The following BANK1 variants were observed in gnomAD, a reference collection of about 807,000 sequenced individuals.
The protein encoded by BANK1 is B cell scaffold protein with ankyrin repeats 1, also known as B-cell scaffold protein with ankyrin repeats.
BANK1 carries 95 observed loss-of-function variants against 94.5 expected under a neutral mutation model. The ratio of observed to expected loss-of-function variants is 1.00; its 90% CI spans 0.85 to 1.19. The LOEUF is 1.19. Ranked by LOEUF, BANK1 falls within the 50% of genes most tolerant of loss-of-function variation. The probability of loss-of-function intolerance (pLI) is 0.00; values close to 1 mark genes in which losing one functional copy is unlikely to be tolerated. For missense variants in BANK1, 987 were observed against 932.2 expected (o/e 1.06, Z -0.77); for synonymous variants, 334 against 308.4 (o/e 1.08, Z -0.87).
intron 1 of BANK1, among the ~76,000 whole-genome samples, chr4:101,825,765 A>C (rs1269109922): frequency 1.3e-5 from 2 of 152,114 alleles, no homozygotes; most frequent in African/African-American, 4.8e-5. Context: ...AGAAGAAAGG[A>C]ATGATATTTG....
rs150994436 is a variant in BANK1, at chr4:102,057,599, G to A, written c.1970-2612G>A. Among the ~76,000 whole-genome samples the A allele has an allele frequency of 1.6e-4, 24 of 152,162 alleles. No homozygotes were observed. The East Asian group carries it at 2.3e-3, about 15-fold the overall frequency. On this transcript the variant is annotated intron_variant, in intron 11 of 16. Transcript: ENST00000322953. The stretch of plus-strand genomic sequence containing the variant: ...ACCTGCATCGGCCTCCCAAAGTGCC[G>A]GGGTTACAGGTGTCAGCCACTGCAC...
intron 7 of BANK1, among the ~76,000 whole-genome samples, chr4:101,947,740 C>T (rs925175554): frequency 1.3e-5 from 2 of 151,918 alleles, no homozygotes; most frequent in African/African-American, 4.8e-5. Context: ...CCTTTGTTCT[C>T]CAAATTATTT....
rs143554467 is a variant in BANK1, at chr4:101,875,512, C to T, written c.903+4868C>T. 4.5e-4 allele frequency among the ~76,000 whole-genome samples: 68 copies of T among 152,152 alleles called. 1 individual carries two copies. The highest frequency in any genetic ancestry group is 6.8e-3 in the Middle Eastern group (2 of 294). ...GGCAGGAGGTGGTTGGGGGGACTGC[C>T]ACACATTTTTAAACCATCAGATCTC... On this transcript the variant is annotated intron_variant, in intron 5 of 16. Coordinates refer to ENST00000322953, the MANE Select transcript of BANK1 (RefSeq NM_017935.5).
At chr4:101,896,279 T>A (rs1385769404) in intron 6 of BANK1, among the ~76,000 whole-genome samples, 1 of 152,006 alleles carries the variant, frequency 6.6e-6, no homozygotes, top group Non-Finnish European at 1.5e-5. Context: ...AGTAGAGATG[T>A]AATGGTGAAT....
At chr4:101,999,979 A>G (rs1247393506) in intron 7 of BANK1, among the ~76,000 whole-genome samples, 1 of 152,194 alleles carries the variant, frequency 6.6e-6, no homozygotes, top group Non-Finnish European at 1.5e-5. Flanking sequence ...GGACCTTATG[A>G]ATTGGGTGAC....
chr4:101,839,952 T>A (rs1272381507), intron 2 of BANK1, among the ~76,000 whole-genome samples: 2,287 of 28,140 alleles, frequency 0.081, 63 homozygotes, highest in African/African-American at 0.27. Flanking sequence ...TTTTTTTTTT[T>A]TTTTTTTTTT....
rs985977840 is a variant in BANK1, at chr4:101,946,204, T to A, written c.1206+28015T>A. On this transcript the variant is annotated intron_variant, in intron 7 of 16. Transcript: ENST00000322953. Reference sequence around the variant, plus strand: ...AGACATCAGATCTTTTATAAAGAAATGAAGTTTTATAATGTTATGCGATGA... The same window carrying A: ...AGACATCAGATCTTTTATAAAGAAAAGAAGTTTTATAATGTTATGCGATGA... 6.6e-5 allele frequency among the ~76,000 whole-genome samples: 10 copies of A among 152,028 alleles called. No homozygotes were observed. The East Asian group carries it at 1.9e-3, about 30-fold the overall frequency.
At chr4:101,944,022 TTGTG>T (rs70937503) in intron 7 of BANK1, among the ~76,000 whole-genome samples, 4 of 148,232 alleles carry the variant, frequency 2.7e-5, no homozygotes, top group South Asian at 2.1e-4. Flanking sequence ...GTGTGTGTGT[TTGTG>T]TGTGTGTGTG....
intron 5 of BANK1, among the ~76,000 whole-genome samples, chr4:101,879,767 G>A (rs751826456): frequency 6.6e-5 from 10 of 152,164 alleles, no homozygotes; most frequent in Non-Finnish European, 1.3e-4. Context: ...TTATTCTTGG[G>A]ATGTAAGGAT....
At chr4:101,959,382 C>T (rs1211180276) in intron 7 of BANK1, among the ~76,000 whole-genome samples, 1 of 152,040 alleles carries the variant, frequency 6.6e-6, no homozygotes, top group East Asian at 1.9e-4. Context: ...TTGTGATCTG[C>T]CCTCCTCGGC....
intron 7 of BANK1, among the ~76,000 whole-genome samples, chr4:101,973,052 G>C (rs1306199104): frequency 1.3e-5 from 2 of 151,610 alleles, no homozygotes; most frequent in African/African-American, 4.8e-5. Context: ...AGGAATCTGT[G>C]GTGGTTTTTT....
chr4:101,812,188 AAAG>A (rs1361322016), intron 1 of BANK1, among the ~76,000 whole-genome samples: 3 of 151,944 alleles, frequency 2.0e-5, no homozygotes. Context: ...ATAGATGGGT[AAAG>A]AAGATTATTC....
intron 1 of BANK1, among the ~76,000 whole-genome samples, chr4:101,822,316 G>GC (rs1389016449): frequency 1.3e-5 from 2 of 151,600 alleles, no homozygotes; most frequent in African/African-American, 4.8e-5. Flanking sequence ...GTTGAACTGA[G>GC]CCCCAAGATC....
In BANK1 at chr4:102,049,032, A is replaced by G. The variant is rs192696843; in HGVS notation, c.1969+5125A>G. 6.6e-3 allele frequency among the ~76,000 whole-genome samples: 1,009 copies of G among 152,306 alleles called. 8 individuals are homozygous for G. Among genetic ancestry groups the G allele is most frequent in the African/African-American group, 0.023 (955 of 41,570 alleles). ...TGCTAGAAATTAGAAATTTCTAGTCAGAAAACTGCATTTGCCAGTGTGTTT... is the reference window on the plus strand; with the variant it reads ...TGCTAGAAATTAGAAATTTCTAGTCGGAAAACTGCATTTGCCAGTGTGTTT... On this transcript the variant is annotated intron_variant, in intron 11 of 16. Coordinates refer to ENST00000322953, the MANE Select transcript of BANK1 (RefSeq NM_017935.5).
At chr4:101,806,694 G>C (rs576884324) in intron 1 of BANK1, among the ~76,000 whole-genome samples, 1 of 152,280 alleles carries the variant, frequency 6.6e-6, no homozygotes, top group East Asian at 1.9e-4. Context: ...AAACACTGCA[G>C]AGATGAAAAT....
At position 101,962,855 on chromosome 4, in the gene BANK1, T is replaced by C. The variant is rs186300128; in HGVS notation, c.1206+44666T>C. ...TATATATTACATGGTTTCCAGACAT[T>C]TTTTAATTAAAAGCAATGCTACAAT... On this transcript the variant is annotated intron_variant, in intron 7 of 16. Coordinates refer to ENST00000322953, the MANE Select transcript of BANK1 (RefSeq NM_017935.5). Among the ~76,000 whole-genome samples, 163 of 152,190 alleles carry C rather than the reference T, an allele frequency of 1.1e-3. 1 individual carries two copies. Among genetic ancestry groups the C allele is most frequent in the African/African-American group, 3.9e-3 (162 of 41,504 alleles).
At chr4:101,960,064 T>A (rs1042936546) in intron 7 of BANK1, among the ~76,000 whole-genome samples, 1 of 152,164 alleles carries the variant, frequency 6.6e-6, no homozygotes, top group South Asian at 2.1e-4. Context: ...GAAGTCCAGA[T>A]GAATGATTAT....
rs1164357630 is a variant in BANK1, at chr4:101,986,873, ATGTGTGTGTGTG to A, written c.1207-34625_1207-34614del. On this transcript the variant is annotated intron_variant, in intron 7 of 16. Transcript: ENST00000322953. The stretch of plus-strand genomic sequence containing the variant: ...TATATATGTATATATATATGTGTGT[ATGTGTGTGTGTG>A]TGTGTGTGTGTGTGTATATATATAT... 3.6e-4 allele frequency among the ~76,000 whole-genome samples: 17 copies of A among 46,876 alleles called. No individual in the cohort carries two copies. The East Asian group carries it at 7.7e-3, about 21-fold the overall frequency. The allele number at this position is 46,876 out of a possible 152,430, so 30.8% of individuals were successfully genotyped here.
intron 5 of BANK1, among the ~76,000 whole-genome samples, chr4:101,885,014 T>C (rs939687837): frequency 3.3e-5 from 5 of 152,184 alleles, no homozygotes; most frequent in Admixed American, 6.5e-5. Flanking sequence ...CCCCTTCTGG[T>C]TGAAGCGATT....
Sources: gnomAD v4.1 joint callset for allele counts (sites outside exome capture counted in the v4.1 genomes callset) on GRCh38, gnomAD v4.1.1 for gene constraint, MANE v1.5 for transcripts, NCBI Gene and HGNC (gene_info 2026-07-23, HGNC 2026-07-21) for gene names.